Variants in DAAM2 observed in about 807,000 individuals in gnomAD.
The protein encoded by DAAM2 is disheveled-associated activator of morphogenesis 2.
In DAAM2, 39 loss-of-function variants were observed where a neutral mutation model predicts 120.7. That is an observed-to-expected ratio of 0.32 (90% CI 0.25 to 0.42). The LOEUF is 0.42. Ranked by LOEUF, DAAM2 falls within the 10% of genes least tolerant of loss-of-function variation. The probability of loss-of-function intolerance (pLI) is 1.00; values close to 1 mark genes in which losing one functional copy is unlikely to be tolerated. For missense variants in DAAM2, 1,283 were observed against 1,401.7 expected (o/e 0.92, Z 1.35); for synonymous variants, 488 against 524.9 (o/e 0.93, Z 0.96).
chr6:39,816,326 T>C (rs1271891028), intron 1 of DAAM2, among the ~76,000 whole-genome samples: 1 of 152,220 alleles, frequency 6.6e-6, no homozygotes, highest in Non-Finnish European at 1.5e-5. Context: ...CTGCTCTTGT[T>C]CTAAACCTTC....
At chr6:39,843,736 A>G (rs1420546055) in intron 1 of DAAM2, among the ~76,000 whole-genome samples, 1 of 152,174 alleles carries the variant, frequency 6.6e-6, no homozygotes, top group East Asian at 1.9e-4. Flanking sequence ...TCTGTGACTA[A>G]GTGTGTGGTG....
intron 19 of DAAM2, among the ~76,000 whole-genome samples, chr6:39,896,263 G>A (rs1303349010): frequency 2.6e-5 from 4 of 151,974 alleles, no homozygotes; most frequent in Admixed American, 1.3e-4. Context: ...AGTGCAGTGA[G>A]GCAATCTTGG....
chr6:39,843,626 T>C (rs4326232), intron 1 of DAAM2, among the ~76,000 whole-genome samples: 65,122 of 152,026 alleles, frequency 0.43, 14,183 homozygotes, highest in Non-Finnish European at 0.46. Flanking sequence ...AGTTTCAAGA[T>C]GGCAATAGCA....
At position 39,868,799 on chromosome 6, in the gene DAAM2, G is replaced by A. The variant is rs76118566; in HGVS notation, c.763-24G>A. ...GTTGGGAACTCAGCCCTCTCCTCCT[G>A]CTCTGTCCTGCATTTCCACCTAGAC... On this transcript the variant is annotated intron_variant, in intron 6 of 24. Coordinates refer to ENST00000274867, the MANE Select transcript of DAAM2 (RefSeq NM_001201427.2). The A allele has an allele frequency of 6.0e-3, 9,210 of 1,541,654 alleles. 359 individuals are homozygous for A. In the African/African-American group the frequency reaches 0.1, roughly 17 times the overall value.
At position 39,857,047 on chromosome 6, in the gene DAAM2, A is replaced by C. The variant is rs191657782; in HGVS notation, c.168+577A>C. Among the ~76,000 whole-genome samples, 1,183 of 152,286 alleles carry C rather than the reference A, an allele frequency of 7.8e-3. 8 individuals are homozygous for C. The highest frequency in any genetic ancestry group is 0.011 in the Non-Finnish European group (775 of 68,012). ...CGGAAGCTCTGCCATTCACACCCGG[A>C]CCAGCCTGTGCTGATTCCGCAATGC... is the stretch of plus-strand genomic sequence containing the variant. On this transcript the variant is annotated intron_variant, in intron 2 of 24. Transcript: ENST00000274867.
intron 1 of DAAM2, among the ~76,000 whole-genome samples, chr6:39,811,174 A>AGTGTGTGTGTGTGTGT (rs59432565): frequency 5.0e-4 from 73 of 146,554 alleles, no homozygotes; most frequent in African/African-American, 1.7e-3. Flanking sequence ...AACTGAAGGG[A>AGTGTGTGTGTGTGTGT]GTGTGTGTGT....
chr6:39,864,901 C>T (rs1214607744), intron 4 of DAAM2, 79 bp from the exon 5 acceptor site: 10 of 1,529,758 alleles, frequency 6.5e-6, no homozygotes, highest in Non-Finnish European at 8.9e-6. Context: ...CTGAGGCAAG[C>T]ATGGCCCCTG....
chr6:39,814,567 G>A (rs1346794563), intron 1 of DAAM2, among the ~76,000 whole-genome samples: 1 of 152,250 alleles, frequency 6.6e-6, no homozygotes, highest in Non-Finnish European at 1.5e-5. Context: ...AGATCCATGT[G>A]GCACAGCAGC....
chr6:39,806,608 A>G (rs1328045401), intron 1 of DAAM2, among the ~76,000 whole-genome samples: 1 of 152,204 alleles, frequency 6.6e-6, no homozygotes, highest in East Asian at 1.9e-4. Flanking sequence ...AGGATGCAAA[A>G]GGGAGTCTTC....
rs112503071 is a variant in DAAM2, at chr6:39,803,096, G to A, written c.-57+10631G>A. ...ACTTTTTCCATTTTTCTGTTGATGG[G>A]CATTTGAGTGGTGTCAAGTCTGGGG... On this transcript the variant is annotated intron_variant, in intron 1 of 24. Coordinates refer to ENST00000274867, the MANE Select transcript of DAAM2 (RefSeq NM_001201427.2). Among the ~76,000 whole-genome samples the A allele has an allele frequency of 5.7e-3, 869 of 152,262 alleles. 4 individuals carry two copies. The highest frequency in any genetic ancestry group is 0.018 in the African/African-American group (743 of 41,540).
In DAAM2 at chr6:39,849,394, C is replaced by T. The variant is rs1237957673; in HGVS notation, c.-56-6853C>T. 2.6e-5 allele frequency among the ~76,000 whole-genome samples: 4 copies of T among 152,294 alleles called. No individual in the cohort carries two copies. In the East Asian group the frequency reaches 5.8e-4, roughly 22 times the overall value. The stretch of plus-strand genomic sequence containing the variant: ...AATACCGTCAACATTCAGGTATCTT[C>T]GCAAGTAGAACAGCAGCTTATCTGT... On this transcript the variant is annotated intron_variant, in intron 1 of 24. Transcript: ENST00000274867.
rs536668364 is a variant in DAAM2, at chr6:39,845,963, G to A, written c.-56-10284G>A. Among the ~76,000 whole-genome samples the A allele has an allele frequency of 3.9e-5, 6 of 152,276 alleles. No homozygotes were observed. In the South Asian group the frequency reaches 1.2e-3, roughly 32 times the overall value. On this transcript the variant is annotated intron_variant, in intron 1 of 24. Transcript: ENST00000274867. ...CATCATTCAGAGAGCTGTTTGCAGG[G>A]TGGCTAGGAAAGGGGGAAATGAGAG...
intron 3 of DAAM2, 68 bp from the exon 4 acceptor site, chr6:39,864,365 A>C (rs1344895418): frequency 2.5e-5 from 31 of 1,233,840 alleles, no homozygotes; most frequent in Non-Finnish European, 3.5e-5. Context: ...ACACGGAATG[A>C]AGCTCAGGAT....
Position 39,813,165 on chromosome 6 carries a change from TGC to T in DAAM2, c.-57+20702_-57+20703del, listed in dbSNP as rs200610676. Among the ~76,000 whole-genome samples, 308 of 151,852 alleles carry T rather than the reference TGC, an allele frequency of 2.0e-3. 1 individual carries two copies. The highest frequency in any genetic ancestry group is 7.0e-3 in the African/African-American group (290 of 41,322). ...GGCAGATTGTGTGTGTGTGTGTGTGTGCGTGTGTGTGTGTATGTATGTGTACA... is the reference window on the plus strand; with the variant it reads ...GGCAGATTGTGTGTGTGTGTGTGTGTGTGTGTGTGTGTATGTATGTGTACA... On this transcript the variant is annotated intron_variant, in intron 1 of 24. Coordinates refer to ENST00000274867, the MANE Select transcript of DAAM2 (RefSeq NM_001201427.2).
In DAAM2 at chr6:39,891,327, C is replaced by T; in HGVS notation, c.2146-14C>T. On this transcript the variant is annotated splice_polypyrimidine_tract_variant and intron_variant, in intron 17 of 24. Transcript: ENST00000274867. ...TCACCAGTTGCTTGTGTGACTTGCGCCTGCTCTTTGCAGCTCCTCAAGTTC... is the reference window on the plus strand; with the variant it reads ...TCACCAGTTGCTTGTGTGACTTGCGTCTGCTCTTTGCAGCTCCTCAAGTTC... 6.3e-7 allele frequency: 1 copy of T among 1,586,828 alleles called. No homozygotes were observed. Among genetic ancestry groups the T allele is most frequent in the Non-Finnish European group, 8.6e-7 (1 of 1,163,268 alleles).
At chr6:39,803,017 A>C (rs1314692510) in intron 1 of DAAM2, among the ~76,000 whole-genome samples, 2 of 152,022 alleles carry the variant, frequency 1.3e-5, no homozygotes, top group Non-Finnish European at 2.9e-5. Context: ...TGTTGTGTAG[A>C]TCATTCATTC....
chr6:39,851,165 T>G (rs1329519020), intron 1 of DAAM2, among the ~76,000 whole-genome samples: 1 of 152,196 alleles, frequency 6.6e-6, no homozygotes, highest in African/African-American at 2.4e-5. Context: ...CATGAATTAT[T>G]AATATGAATC....
intron 2 of DAAM2, 110 bp from the exon 3 acceptor site, chr6:39,860,818 G>A (rs1230183687): frequency 3.6e-6 from 3 of 836,580 alleles, no homozygotes; most frequent in Non-Finnish European, 3.9e-6. Context: ...GAGGAAGATA[G>A]TAGTAGCCTG....
chr6:39,842,606 CG>C (rs1300776217), intron 1 of DAAM2, among the ~76,000 whole-genome samples: 1 of 151,790 alleles, frequency 6.6e-6, no homozygotes, highest in Non-Finnish European at 1.5e-5. Flanking sequence ...GTACTCCAGC[CG>C]GGGCAACAGA....
Sources: allele counts gnomAD v4.1 joint callset (sites outside exome capture counted in the v4.1 genomes callset), GRCh38; gene constraint gnomAD v4.1.1; transcripts MANE v1.5; gene names NCBI Gene and HGNC (gene_info 2026-07-23, HGNC 2026-07-21).